Variants in TJP1 observed in about 807,000 individuals in gnomAD.
The protein encoded by TJP1 is tight junction protein 1.
A neutral mutation model predicts 194.2 loss-of-function variants in TJP1; 43 were observed. That is an observed-to-expected ratio of 0.22 (90% confidence interval 0.17 to 0.29). TJP1 has a LOEUF of 0.29. TJP1 is among the 10% of genes least tolerant of loss of function. TJP1 has a pLI of 1.00. For missense variants in TJP1, 1,971 were observed against 2,185.7 expected, an observed-to-expected ratio of 0.90 and a Z score of 1.96; for synonymous variants, 801 against 779.0, an observed-to-expected ratio of 1.03 and a Z score of -0.47.
At chr15:29,938,153 T>C (rs139241597) in intron 2 of TJP1, among the ~76,000 whole-genome samples, 1 of 152,356 alleles carries the variant, frequency 6.6e-6, no homozygotes, top group East Asian at 1.9e-4. Flanking sequence ...ATGAATGTAT[T>C]GAATTACGTA....
chr15:29,892,507 G>A (rs1004515662), intron 2 of TJP1, among the ~76,000 whole-genome samples: 3 of 152,322 alleles, frequency 2.0e-5, no homozygotes, highest in African/African-American at 4.8e-5. Flanking sequence ...TAGCTAGAAT[G>A]GAAAAGTCAA....
intron 2 of TJP1, among the ~76,000 whole-genome samples, chr15:29,776,007 GAT>G (rs2046994019): frequency 6.6e-6 from 1 of 152,042 alleles, no homozygotes; most frequent in South Asian, 2.1e-4. Context: ...TCAGAACACT[GAT>G]ATCAAGGAAA....
intron 2 of TJP1, among the ~76,000 whole-genome samples, chr15:29,950,363 A>G (rs2055697980): frequency 6.7e-6 from 1 of 149,540 alleles, no homozygotes; most frequent in Non-Finnish European, 1.5e-5. Context: ...CATTACCACT[A>G]CTACCACCAC....
intron 2 of TJP1, among the ~76,000 whole-genome samples, chr15:29,859,719 T>C (rs1005732055): frequency 3.9e-5 from 6 of 152,186 alleles, no homozygotes; most frequent in African/African-American, 1.4e-4. Flanking sequence ...ACAGGTAGCT[T>C]TCCACAAACT....
At chr15:29,920,115 GCCA>G (rs1280557980) in intron 2 of TJP1, among the ~76,000 whole-genome samples, 2 of 152,192 alleles carry the variant, frequency 1.3e-5, no homozygotes, top group Non-Finnish European at 2.9e-5. Context: ...CTGGGGCACT[GCCA>G]GGTAAGGAAC....
intron 8 of TJP1, among the ~76,000 whole-genome samples, chr15:29,750,148 AG>A (rs2045159199): frequency 6.6e-6 from 1 of 152,032 alleles, no homozygotes; most frequent in Non-Finnish European, 1.5e-5. Context: ...GCTGGACTAC[AG>A]GCACGTGCCA....
At chr15:29,882,370 T>C (rs569073299) in intron 2 of TJP1, among the ~76,000 whole-genome samples, 4 of 152,294 alleles carry the variant, frequency 2.6e-5, no homozygotes, top group East Asian at 1.9e-4. Flanking sequence ...CTTCATCTCA[T>C]TGCCAGTATC....
At chr15:29,919,203 T>C (rs1348947774) in intron 2 of TJP1, among the ~76,000 whole-genome samples, 1 of 152,200 alleles carries the variant, frequency 6.6e-6, no homozygotes, top group Non-Finnish European at 1.5e-5. Context: ...ATTCTGTACC[T>C]AAGCAAATCA....
rs748838472 is a variant in TJP1, at chr15:29,885,596, C to T, written c.306+70636G>A. On this transcript the variant is annotated intron_variant, in intron 2 of 28. Coordinates refer to the TJP1 transcript ENST00000356107. ...AACAAAGACACTAAAACCTGATAAA[C>T]AACCAGCTTTTCTTTGCTTCCTTGG... is the stretch of plus-strand genomic sequence containing the variant. Among the ~76,000 whole-genome samples the T allele has an allele frequency of 7.2e-5, 11 of 152,340 alleles. No individual in the cohort carries two copies. The East Asian group carries it at 1.2e-3, about 16-fold the overall frequency.
intron 2 of TJP1, among the ~76,000 whole-genome samples, chr15:29,780,333 A>G (rs1388109859): frequency 6.6e-6 from 1 of 151,892 alleles, no homozygotes; most frequent in African/African-American, 2.4e-5. Flanking sequence ...ATCATCAGGC[A>G]TTAGATTCTC....
intron 4 of TJP1, among the ~76,000 whole-genome samples, chr15:29,770,238 G>A (rs1017170385): frequency 2.6e-5 from 4 of 151,928 alleles, no homozygotes; most frequent in South Asian, 2.1e-4. Flanking sequence ...CTTGAGGCCC[G>A]GAGTTCAATA....
chr15:29,717,993 T>C, intron 22 of TJP1, 28 bp downstream of exon 22: 1 of 1,582,596 alleles, frequency 6.3e-7, no homozygotes, highest in Non-Finnish European at 8.6e-7. Context: ...GTCAGTTCTA[T>C]GCCACAAAGA....
chr15:29,750,075 C>A (rs927349065), intron 8 of TJP1, among the ~76,000 whole-genome samples: 3 of 151,454 alleles, frequency 2.0e-5, no homozygotes, highest in African/African-American at 7.3e-5. Context: ...TGGTGCGATC[C>A]TGGCTCACTG....
chr15:29,783,189 G>A (rs765327329), intron 2 of TJP1, among the ~76,000 whole-genome samples: 2 of 152,114 alleles, frequency 1.3e-5, no homozygotes, highest in Non-Finnish European at 2.9e-5. Context: ...CAGGAGAATC[G>A]TTTGAACCCG....
intron 2 of TJP1, among the ~76,000 whole-genome samples, chr15:29,835,521 T>C (rs1279178040): frequency 3.3e-5 from 5 of 152,002 alleles, no homozygotes; most frequent in Non-Finnish European, 5.9e-5. Flanking sequence ...TAGCACAAAA[T>C]TGCCTGTAGT....
chr15:29,723,008 T>C (rs1595630942), intron 18 of TJP1, among the ~76,000 whole-genome samples: 1 of 152,348 alleles, frequency 6.6e-6, no homozygotes, highest in East Asian at 1.9e-4. Context: ...ATGTCCCCTT[T>C]GTATCTTGGA....
intron 15 of TJP1, 68 bp downstream of exon 15, chr15:29,732,365 A>C: frequency 7.6e-7 from 1 of 1,315,630 alleles, no homozygotes; most frequent in Non-Finnish European, 1.1e-6. Context: ...TGAATGAGTG[A>C]ATCAGAACTC....
chr15:29,783,895 CCT>C (rs1019132654), intron 2 of TJP1, among the ~76,000 whole-genome samples: 6 of 151,994 alleles, frequency 3.9e-5, no homozygotes, highest in Admixed American at 1.3e-4. Flanking sequence ...ACAACAAACC[CCT>C]GTGACACAAG....
chr15:29,904,174 AG>A (rs956718067), intron 2 of TJP1, among the ~76,000 whole-genome samples: 2 of 152,126 alleles, frequency 1.3e-5, no homozygotes, highest in African/African-American at 2.4e-5. Context: ...GGCCACAATG[AG>A]GGTTCAGGAT....
Sources: allele counts gnomAD v4.1 joint callset (sites outside exome capture counted in the v4.1 genomes callset), GRCh38; gene constraint gnomAD v4.1.1; transcripts MANE v1.5; gene names NCBI Gene and HGNC (gene_info 2026-07-23, HGNC 2026-07-21).